Variants in MAP3K20 observed in about 807,000 individuals in gnomAD.
MAP3K20 encodes the protein HCCS-4.
MAP3K20 carries 40 observed loss-of-function variants against 85.7 expected under a neutral mutation model. The ratio of observed to expected loss-of-function variants is 0.47; its 90% CI spans 0.36 to 0.61. The LOEUF (loss-of-function observed/expected upper bound fraction) is 0.61, where lower values mean the gene tolerates loss of function less well. MAP3K20 is among the 20% of genes least tolerant of loss of function. The pLI is 0.00. For missense variants in MAP3K20, 817 were observed against 961.7 expected, an observed-to-expected ratio of 0.85 and a Z score of 1.99; for synonymous variants, 325 against 327.7, an observed-to-expected ratio of 0.99 and a Z score of 0.09.
At chr2:173,169,709 G>C (rs1689945083) in intron 2 of MAP3K20, 96 bp from the exon 3 acceptor site, 1 of 1,209,388 alleles carries the variant, frequency 8.3e-7, no homozygotes. Flanking sequence ...AACACAGCAA[G>C]ACCCTAACTC....
At chr2:173,191,300 T>C in intron 7 of MAP3K20, 123 bp downstream of exon 7, 5 of 1,337,886 alleles carry the variant, frequency 3.7e-6, no homozygotes, top group Non-Finnish European at 5.0e-6. Context: ...GTGGAATGCC[T>C]AAAGCAGCAC....
rs3835094 is a variant in MAP3K20 at position 173,266,783 on chromosome 2, T to TAAAAAAAA, written c.*43_*50dup. The TAAAAAAAA allele has an allele frequency of 9.7e-6, 10 of 1,031,240 alleles. 1 individual carries two copies. Among genetic ancestry groups the TAAAAAAAA allele is most frequent in the South Asian group, 3.3e-5 (1 of 30,560 alleles). The allele number at this position is 1,031,240 out of a possible 1,614,324, so 63.9% of individuals were successfully genotyped here. ...AACTACATAGCTTTTCTAAGCAGGTTAAAAAAAAAAAAAAAAAGAAATGTA... is the reference window on the plus strand; with the variant it reads ...AACTACATAGCTTTTCTAAGCAGGTTAAAAAAAAAAAAAAAAAAAAAAAAAGAAATGTA... On this transcript the variant is annotated 3_prime_UTR_variant, in exon 20 of 20. Coordinates refer to ENST00000375213, the MANE Select transcript of MAP3K20 (RefSeq NM_016653.3).
Position 173,232,129 on chromosome 2 carries a change from T to C in MAP3K20, c.1033-63T>C. 4 of 1,591,808 alleles carry C rather than the reference T, an allele frequency of 2.5e-6. No homozygotes were observed. In the South Asian group the frequency reaches 4.4e-5, roughly 18 times the overall value. ...GATCTATTGAAAACTCTATGTTTAC[T>C]GTGAAGACTGGCCACTGACCATGTG... On this transcript the variant is annotated intron_variant, in intron 12 of 19. Transcript: ENST00000375213.
chr2:173,148,267 A>G (rs1054206843), intron 2 of MAP3K20, among the ~76,000 whole-genome samples: 1 of 152,176 alleles, frequency 6.6e-6, no homozygotes, highest in African/African-American at 2.4e-5. Context: ...TTAAGTGGAC[A>G]TGTTTTTGGC....
intron 2 of MAP3K20, among the ~76,000 whole-genome samples, chr2:173,092,146 C>T (rs1486461892): frequency 6.6e-6 from 1 of 152,128 alleles, no homozygotes; most frequent in East Asian, 1.9e-4. Flanking sequence ...GAGTTTCCTC[C>T]CAGCGGTGCT....
At chr2:173,105,142 T>G (rs797011583) in intron 2 of MAP3K20, among the ~76,000 whole-genome samples, 11 of 152,358 alleles carry the variant, frequency 7.2e-5, no homozygotes, top group African/African-American at 2.6e-4. Flanking sequence ...CATTTTCACA[T>G]GACCACTCTG....
chr2:173,209,946 CT>C, intron 10 of MAP3K20, 111 bp downstream of exon 10: 1 of 977,498 alleles, frequency 1.0e-6, no homozygotes, highest in Non-Finnish European at 1.6e-6. Context: ...CTGACCATAG[CT>C]TAGGGAAAAA....
intron 16 of MAP3K20, among the ~76,000 whole-genome samples, chr2:173,244,647 C>G (rs1376096084): frequency 7.2e-5 from 11 of 152,158 alleles, no homozygotes; most frequent in Admixed American, 7.2e-4. Context: ...CATCTGTAAA[C>G]CTATATAAAA....
intron 7 of MAP3K20, 55 bp downstream of exon 7, chr2:173,191,232 C>G: frequency 1.2e-6 from 2 of 1,600,776 alleles, no homozygotes; most frequent in South Asian, 1.1e-5. Context: ...AGCAAACACT[C>G]AAAAGAAGAG....
intron 2 of MAP3K20, among the ~76,000 whole-genome samples, chr2:173,149,305 A>G (rs920349022): frequency 5.3e-5 from 8 of 152,312 alleles, no homozygotes; most frequent in African/African-American, 1.9e-4. Context: ...TGACAACTAA[A>G]TGCAGTGTGG....
At chr2:173,127,430 G>A (rs941601615) in intron 2 of MAP3K20, among the ~76,000 whole-genome samples, 13 of 152,106 alleles carry the variant, frequency 8.5e-5, no homozygotes, top group Non-Finnish European at 1.5e-4. Context: ...TTAAAAAGTC[G>A]ATCTTTAGAA....
chr2:173,223,774 A>G, intron 11 of MAP3K20: 2 of 985,456 alleles, frequency 2.0e-6, no homozygotes, highest in Non-Finnish European at 2.4e-6. Flanking sequence ...ATGTACAAAT[A>G]CATGAACACA....
At chr2:173,173,154 C>CTCTGTG (rs1343978309) in intron 3 of MAP3K20, among the ~76,000 whole-genome samples, 6 of 138,512 alleles carry the variant, frequency 4.3e-5, no homozygotes, top group Non-Finnish European at 6.3e-5. Context: ...TCTTTTATTT[C>CTCTGTG]TGTGTGTGTG....
chr2:173,080,398 G>A (rs1324782654), intron 1 of MAP3K20, among the ~76,000 whole-genome samples: 1 of 152,202 alleles, frequency 6.6e-6, no homozygotes, highest in Non-Finnish European at 1.5e-5. Flanking sequence ...TAATTTACAA[G>A]GAACAAGGGT....
chr2:173,224,050 C>T, intron 11 of MAP3K20: 1 of 965,892 alleles, frequency 1.0e-6, no homozygotes, highest in Non-Finnish European at 1.2e-6. Context: ...AATCTTTGCA[C>T]TCACAGAGCT....
At chr2:173,264,930 TAC>T (rs1261971601) in intron 19 of MAP3K20, among the ~76,000 whole-genome samples, 1 of 152,126 alleles carries the variant, frequency 6.6e-6, no homozygotes, top group Non-Finnish European at 1.5e-5. Context: ...ATGAAACAGT[TAC>T]AGAGATCCGC....
At chr2:173,102,937 C>T (rs1365643041) in intron 2 of MAP3K20, among the ~76,000 whole-genome samples, 1 of 151,880 alleles carries the variant, frequency 6.6e-6, no homozygotes, top group African/African-American at 2.4e-5. Context: ...CCTGTAATCC[C>T]AGATACTCGG....
intron 19 of MAP3K20, among the ~76,000 whole-genome samples, chr2:173,265,254 C>T (rs780214122): frequency 1.1e-4 from 17 of 152,192 alleles, no homozygotes; most frequent in African/African-American, 3.9e-4. Context: ...GGGAGGACCA[C>T]CCAGGAACTC....
intron 2 of MAP3K20, among the ~76,000 whole-genome samples, chr2:173,117,647 T>G (rs1042716314): frequency 6.6e-6 from 1 of 152,196 alleles, no homozygotes; most frequent in African/African-American, 2.4e-5. Context: ...CAATTAGTAA[T>G]TTTCATGATT....
Sources: allele counts gnomAD v4.1 joint callset (sites outside exome capture counted in the v4.1 genomes callset), GRCh38; gene constraint gnomAD v4.1.1; transcripts MANE v1.5; gene names NCBI Gene and HGNC (gene_info 2026-07-23, HGNC 2026-07-21).